The following HSD3B2 variants were observed in gnomAD, a reference collection of about 807,000 sequenced individuals.
HSD3B2 encodes the protein 3 beta-hydroxysteroid dehydrogenase/Delta 5-->4-isomerase type 2.
HSD3B2 carries 8 observed loss-of-function variants against 9.9 expected under a neutral mutation model. The ratio of observed to expected loss-of-function variants is 0.81; its 90% confidence interval spans 0.47 to 1.46. The LOEUF (loss-of-function observed/expected upper bound fraction) is 1.46, where lower values mean the gene tolerates loss of function less well. Among genes scored for constraint, HSD3B2 ranks in the 40% most tolerant of loss-of-function variants. The pLI, the probability that HSD3B2 is intolerant of heterozygous loss-of-function variation, is 0.00. For synonymous variants in HSD3B2, 221 were observed against 184.5 expected (o/e 1.20, Z -1.60); for missense variants, 410 against 448.3 (o/e 0.91, Z 0.77).
At chr1:119,420,326 C>G (rs1651826444) in intron 3 of HSD3B2, among the ~76,000 whole-genome samples, 1 of 152,094 alleles carries the variant, frequency 6.6e-6, no homozygotes, top group African/African-American at 2.4e-5. Context: ...AAACACAGCT[C>G]CCCACTGCTG....
chr1:119,419,446 A>G lies in HSD3B2; in HGVS notation c.171A>G (p.Val57=), dbSNP rs1227287596. 6.2e-7 allele frequency: 1 copy of G among 1,613,778 alleles called. No individual in the cohort carries two copies. Among genetic ancestry groups the G allele is most frequent in the African/African-American group, 1.3e-5 (1 of 75,020 alleles). Reference sequence around the variant, plus strand: ...TCCAGAACAGGACCAAGCTGACTGTACTTGAAGGAGACATTCTGGATGAGC... The same window carrying G: ...TCCAGAACAGGACCAAGCTGACTGTGCTTGAAGGAGACATTCTGGATGAGC... ...SKLQNRTKLT[V]LEGDILDEPF... Residue 57 remains valine, a synonymous_variant, in exon 3 of 4, where the codon GTA becomes GTG. Coordinates refer to ENST00000369416, the MANE Select transcript of HSD3B2 (RefSeq NM_000198.4).
chr1:119,422,165 C>A lies in HSD3B2; in HGVS notation c.664C>A (p.Pro222Thr), dbSNP rs80358220. 6.2e-7 allele frequency: 1 copy of A among 1,614,052 alleles called. No individual in the cohort carries two copies. The highest frequency in any genetic ancestry group is 8.5e-7 in the Non-Finnish European group (1 of 1,179,980). Residue 222 changes from proline (P) to threonine (T), a missense_variant, in exon 4 of 4, where the codon CCA becomes ACA. Coordinates refer to ENST00000369416, the MANE Select transcript of HSD3B2 (RefSeq NM_000198.4). ...SSVGKFSTVN[P>T]VYVGNVAWAH... ...TGTTGGAAAGTTCTCTACAGTCAAC[C>A]CAGTCTATGTTGGCAACGTGGCCTG...
chr1:119,415,438 G>C lies in HSD3B2; in HGVS notation c.19G>C (p.Val7Leu). The change falls in exon 2 of 4, where the codon GTG becomes CTG. Residue 7 changes from valine (V) to leucine (L), a missense_variant. Physicochemically the swap from Val to Leu is conservative, Grantham distance 32 (BLOSUM62 1). Transcript: ENST00000369416. Reference sequence around the variant, plus strand: ...GGCCACGATGGGCTGGAGCTGCCTTGTGACAGGAGCAGGAGGGCTTCTGGG... The same window carrying C: ...GGCCACGATGGGCTGGAGCTGCCTTCTGACAGGAGCAGGAGGGCTTCTGGG... MGWSCL[V>L]TGAGGLLGQR... 6.2e-7 allele frequency: 1 copy of C among 1,613,998 alleles called. No individual in the cohort carries two copies. Among genetic ancestry groups the C allele is most frequent in the Non-Finnish European group, 8.5e-7 (1 of 1,179,916 alleles).
At chr1:119,421,427 GTATATATATATA>G (rs1339046079) in intron 3 of HSD3B2, among the ~76,000 whole-genome samples, 2 of 14,562 alleles carry the variant, frequency 1.4e-4, no homozygotes, top group South Asian at 3.7e-3. Context: ...GTATATATAT[GTATATATATATA>G]TGTATATATA....
chr1:119,421,024 CT>C (rs1651841690), intron 3 of HSD3B2, among the ~76,000 whole-genome samples: 1 of 152,182 alleles, frequency 6.6e-6, no homozygotes, highest in African/African-American at 2.4e-5. Flanking sequence ...TTTCCAGCAT[CT>C]CCCCACAACC....
In HSD3B2 at chr1:119,416,160, CAA is replaced by C. The variant is rs1491232967; in HGVS notation, c.142+600_142+601del. Among the ~76,000 whole-genome samples, 8 of 151,340 alleles carry C rather than the reference CAA, an allele frequency of 5.3e-5. No homozygotes were observed. In the East Asian group the frequency reaches 1.6e-3, roughly 29 times the overall value. ...AAGATAGTGTGAGGGAGAGCATCAG[CAA>C]GAGAGAGAGAGTGAAAGTGAGAGAG... On this transcript the variant is annotated intron_variant, in intron 2 of 3. Coordinates refer to ENST00000369416, the MANE Select transcript of HSD3B2 (RefSeq NM_000198.4).
In HSD3B2 at chr1:119,419,404, C is replaced by CTG; in HGVS notation, c.143-10_143-9dup. On this transcript the variant is annotated splice_polypyrimidine_tract_variant and intron_variant, in intron 2 of 3. Transcript: ENST00000369416. ...CCAGAAATCTTTCCAATGACCTGAC[C>CTG]TGTGTTCACACAGAGCTCCAGAACA... The CTG allele has an allele frequency of 6.2e-7, 1 of 1,613,584 alleles. No homozygotes were observed. The highest frequency in any genetic ancestry group is 1.1e-5 in the South Asian group (1 of 91,052).
At chr1:119,421,459 A>ATATATAT (rs1487639949) in intron 3 of HSD3B2, among the ~76,000 whole-genome samples, 2 of 9,164 alleles carry the variant, frequency 2.2e-4, no homozygotes, top group Non-Finnish European at 4.2e-4. Flanking sequence ...ATATGTATAT[A>ATATATAT]TATATGTATA....
chr1:119,419,092 T>C (rs906722623), intron 2 of HSD3B2, among the ~76,000 whole-genome samples: 7 of 152,168 alleles, frequency 4.6e-5, no homozygotes, highest in African/African-American at 1.7e-4. Context: ...CTCTCCACAA[T>C]CACTCTATTC....
chr1:119,421,407 A>G (rs966949648), intron 3 of HSD3B2, among the ~76,000 whole-genome samples: 15 of 36,944 alleles, frequency 4.1e-4, no homozygotes, highest in African/African-American at 2.3e-3. Flanking sequence ...ATATATGTAT[A>G]TATATATATG....
chr1:119,418,630 CTATTAT>C (rs5777392), intron 2 of HSD3B2, among the ~76,000 whole-genome samples: 63,164 of 123,482 alleles, frequency 0.51, 15,082 homozygotes, highest in Non-Finnish European at 0.57. Flanking sequence ...ATTATTATTA[CTATTAT>C]TATTATTATT....
chr1:119,421,500 T>TAC (rs1379750690), intron 3 of HSD3B2, among the ~76,000 whole-genome samples: 2 of 85,664 alleles, frequency 2.3e-5, no homozygotes, highest in African/African-American at 1.9e-4. Flanking sequence ...TTATAATATA[T>TAC]ATATATATAT....
At chr1:119,415,075 G>C, upstream of HSD3B2, 1 of 349,600 alleles carries the variant, frequency 2.9e-6, no homozygotes, top group African/African-American at 2.1e-5. Context: ...CAATGAGTAT[G>C]TGGCAGGAGT....
rs1345012119 is a variant in HSD3B2, at chr1:119,419,667, A to G, written c.307+85A>G. 7.6e-6 allele frequency: 10 copies of G among 1,316,344 alleles called. No individual in the cohort carries two copies. In the East Asian group the frequency reaches 2.3e-4, roughly 31 times the overall value. 81.5% of individuals were successfully genotyped at this position (1,316,344 alleles called of 1,614,324 possible). On this transcript the variant is annotated intron_variant, in intron 3 of 3. Transcript: ENST00000369416. The stretch of plus-strand genomic sequence containing the variant: ...CAAGAAAGGGAAGAGAAGTCACTCC[A>G]TTGAACACCTGCTGAGCTCTTGGCC...
intron 2 of HSD3B2, among the ~76,000 whole-genome samples, chr1:119,417,138 C>A (rs587633005): frequency 6.6e-6 from 1 of 152,260 alleles, no homozygotes; most frequent in African/African-American, 2.4e-5. Context: ...TGTCGAAGGT[C>A]CCAAGTTAGA....
At chr1:119,415,757 T>G (rs946389808) in intron 2 of HSD3B2, among the ~76,000 whole-genome samples, 196 bp downstream of exon 2, 3 of 152,182 alleles carry the variant, frequency 2.0e-5, no homozygotes, top group African/African-American at 7.2e-5. Flanking sequence ...GAGACTGGAT[T>G]CTGGCCCTGA....
rs763802578 is a variant in HSD3B2 at position 119,422,662 on chromosome 1, A to C, written c.*42A>C. The C allele has an allele frequency of 1.9e-6, 3 of 1,608,492 alleles. No homozygotes were observed. The highest frequency in any genetic ancestry group is 2.5e-6 in the Non-Finnish European group (3 of 1,177,968). On this transcript the variant is annotated 3_prime_UTR_variant, in exon 4 of 4. Coordinates refer to ENST00000369416, the MANE Select transcript of HSD3B2 (RefSeq NM_000198.4). ...ATGTGCATGTGGGTATTGTTAGGAA[A>C]TGTCATCAAACTCCACCCACCTGGC... is the stretch of plus-strand genomic sequence containing the variant.
intron 3 of HSD3B2, 41 bp downstream of exon 3, chr1:119,419,623 T>G: frequency 1.3e-6 from 2 of 1,590,182 alleles, no homozygotes; most frequent in South Asian, 2.2e-5. Flanking sequence ...GTTGGTTAAA[T>G]GAGGATCAGA....
rs187042846 is a variant in HSD3B2, at chr1:119,415,418, C to T, written c.-2C>T. 27 of 1,613,774 alleles carry T rather than the reference C, an allele frequency of 1.7e-5. No individual in the cohort carries two copies. In the Admixed American group the frequency reaches 1.8e-4, roughly 11 times the overall value. On this transcript the variant is annotated 5_prime_UTR_variant, in exon 2 of 4. The change creates a new upstream start codon in the 5' untranslated region. Coordinates refer to ENST00000369416, the MANE Select transcript of HSD3B2 (RefSeq NM_000198.4). ...GTTTCCTGCTACTTTGGATTGGCCACGATGGGCTGGAGCTGCCTTGTGACA... is the reference window on the plus strand; with the variant it reads ...GTTTCCTGCTACTTTGGATTGGCCATGATGGGCTGGAGCTGCCTTGTGACA...
Sources: allele counts gnomAD v4.1 joint callset (sites outside exome capture counted in the v4.1 genomes callset), GRCh38; gene constraint gnomAD v4.1.1; transcripts MANE v1.5; gene names NCBI Gene and HGNC (gene_info 2026-07-23, HGNC 2026-07-21).